The following SAMTOR variants were observed in gnomAD, a reference collection of about 807,000 sequenced individuals.
SAMTOR encodes UPF0532 protein C7orf60.
the SAMTOR span, among the ~76,000 whole-genome samples, chr7:112,891,047 G>A: frequency 2.0e-5 from 3 of 152,168 alleles, 1 homozygote; most frequent in East Asian, 5.8e-4. Flanking sequence ...GGAAAATGCA[G>A]TAACAATGAC....
chr7:112,920,728 A>G, the SAMTOR span, among the ~76,000 whole-genome samples: 16 of 148,804 alleles, frequency 1.1e-4, no homozygotes, highest in South Asian at 6.6e-4. Context: ...AATCTCCTTA[A>G]GCTGATAAGC....
the SAMTOR span, among the ~76,000 whole-genome samples, chr7:112,929,779 C>G: frequency 6.6e-6 from 1 of 152,014 alleles, no homozygotes; most frequent in African/African-American, 2.4e-5. Flanking sequence ...TGAAAATGTT[C>G]TACGCCTTAT....
the SAMTOR span, chr7:112,935,107 T>G: frequency 3.2e-6 from 1 of 312,640 alleles, no homozygotes; most frequent in Non-Finnish European, 6.2e-6. Flanking sequence ...ATCAGGCAAA[T>G]ATTCTATCAC....
chr7:112,923,886 C>T, the SAMTOR span, among the ~76,000 whole-genome samples: 3 of 152,176 alleles, frequency 2.0e-5, no homozygotes, highest in Non-Finnish European at 4.4e-5. Context: ...AGTTCATGTC[C>T]TTTGTAGGGA....
chr7:112,935,044 G>T, the SAMTOR span: 1 of 240,016 alleles, frequency 4.2e-6, no homozygotes, highest in Non-Finnish European at 8.4e-6. Flanking sequence ...AACTCTCCTA[G>T]TGCAAACTTA....
chr7:112,866,616 G>C, the SAMTOR span, among the ~76,000 whole-genome samples: 1 of 152,188 alleles, frequency 6.6e-6, no homozygotes, highest in Non-Finnish European at 1.5e-5. Context: ...AAGTCAGGAA[G>C]GGAGTTGGGT....
At chr7:112,833,237 G>A in the SAMTOR span, among the ~76,000 whole-genome samples, 1 of 152,204 alleles carries the variant, frequency 6.6e-6, no homozygotes, top group East Asian at 1.9e-4. Context: ...CACTCAGAGT[G>A]AGAGTAAAAA....
chr7:112,877,675 T>C, the SAMTOR span, among the ~76,000 whole-genome samples: 11 of 152,158 alleles, frequency 7.2e-5, no homozygotes, highest in African/African-American at 2.7e-4. Context: ...CGTTGAATTG[T>C]AATCCCCAAT....
At chr7:112,921,835 A>G in the SAMTOR span, among the ~76,000 whole-genome samples, 7 of 143,486 alleles carry the variant, frequency 4.9e-5, no homozygotes, top group Non-Finnish European at 7.6e-5. Context: ...AACACATGAA[A>G]AAATGCTCAC....
the SAMTOR span, among the ~76,000 whole-genome samples, chr7:112,894,489 G>A: frequency 6.6e-6 from 1 of 152,082 alleles, no homozygotes; most frequent in South Asian, 2.1e-4. Context: ...CTCTGAGCCT[G>A]GGTAATTTAT....
chr7:112,916,759 C>A, the SAMTOR span, among the ~76,000 whole-genome samples: 2 of 152,142 alleles, frequency 1.3e-5, no homozygotes, highest in Non-Finnish European at 2.9e-5. Flanking sequence ...GCTTTTCCGA[C>A]GGGCTTGGGA....
chr7:112,928,319 A>AT, the SAMTOR span, among the ~76,000 whole-genome samples: 47 of 151,690 alleles, frequency 3.1e-4, no homozygotes, highest in Non-Finnish European at 5.5e-4. Flanking sequence ...CTGGTACAGC[A>AT]TTTTTTTTCC....
the SAMTOR span, among the ~76,000 whole-genome samples, chr7:112,924,659 CA>C: frequency 6.6e-6 from 1 of 152,026 alleles, no homozygotes; most frequent in Non-Finnish European, 1.5e-5. Context: ...CAATTTGTTA[CA>C]TATCAGACTG....
At chr7:112,882,217 C>T in the SAMTOR span, among the ~76,000 whole-genome samples, 1 of 152,224 alleles carries the variant, frequency 6.6e-6, no homozygotes, top group Non-Finnish European at 1.5e-5. Context: ...TGCCACTCTG[C>T]ACCTGGCTTG....
the SAMTOR span, among the ~76,000 whole-genome samples, chr7:112,918,699 AC>A: frequency 6.6e-6 from 1 of 152,164 alleles, no homozygotes; most frequent in Non-Finnish European, 1.5e-5. Context: ...TATTCAGGAA[AC>A]CCATCTCACG....
chr7:112,840,366 C>A, the SAMTOR span, among the ~76,000 whole-genome samples: 1 of 151,770 alleles, frequency 6.6e-6, no homozygotes, highest in Non-Finnish European at 1.5e-5. Flanking sequence ...TATTTCAATT[C>A]TATTATTATT....
chr7:112,925,990 C>T, the SAMTOR span, among the ~76,000 whole-genome samples: 1 of 152,078 alleles, frequency 6.6e-6, no homozygotes, highest in Non-Finnish European at 1.5e-5. Context: ...CAGAATTGTG[C>T]ACCTAAAGAA....
chr7:112,912,332 C>T, the SAMTOR span, among the ~76,000 whole-genome samples: 13 of 151,932 alleles, frequency 8.6e-5, no homozygotes, highest in African/African-American at 3.1e-4. Flanking sequence ...ATAGCTATAC[C>T]TGTATATTGC....
At chr7:112,877,656 C>T in the SAMTOR span, among the ~76,000 whole-genome samples, 488 of 152,196 alleles carry the variant, frequency 3.2e-3, 5 homozygotes, top group South Asian at 0.022. Context: ...TGTCCCCATT[C>T]AAATCTCACG....
Sources: gnomAD v4.1 joint callset for allele counts (sites outside exome capture counted in the v4.1 genomes callset) on GRCh38, gnomAD v4.1.1 for gene constraint, MANE v1.5 for transcripts, NCBI Gene and HGNC (gene_info 2026-07-23, HGNC 2026-07-21) for gene names.